The following ATRX variants were observed in gnomAD, a reference collection of about 807,000 sequenced individuals.
The protein encoded by ATRX is chromatin remodeler ATRX.
A neutral mutation model predicts 172.6 loss-of-function variants in ATRX; 12 were observed. The ratio of observed to expected loss-of-function variants is 0.07; its 90% CI spans 0.04 to 0.11. The LOEUF is 0.11. ATRX is among the 10% of genes least tolerant of loss of function. The pLI, the probability that ATRX is intolerant of heterozygous loss-of-function variation, is 1.00. For missense variants in ATRX, 1,368 were observed against 1,767.4 expected, an observed-to-expected ratio of 0.77 and a Z score of 4.05; for synonymous variants, 674 against 594.7, an observed-to-expected ratio of 1.13 and a Z score of -1.94.
intron 30 of ATRX, among the ~76,000 whole-genome samples, chrX:77,546,274 G>C (rs1202235161): frequency 9.0e-6 from 1 of 111,325 alleles, no homozygotes; most frequent in Non-Finnish European, 1.9e-5. Context: ...GGTAATGCTA[G>C]TAAAATCCTT....
intron 2 of ATRX, among the ~76,000 whole-genome samples, chrX:77,706,244 A>G (rs1557156955): frequency 9.2e-6 from 1 of 108,690 alleles, no homozygotes; most frequent in East Asian, 2.9e-4. Flanking sequence ...TCGGCCTCCC[A>G]AAGTGCTGGG....
At chrX:77,641,737 A>G (rs370777717) in intron 15 of ATRX, among the ~76,000 whole-genome samples, 1 of 111,672 alleles carries the variant, frequency 9.0e-6, no homozygotes, top group African/African-American at 3.3e-5. Context: ...AATAGTGCAG[A>G]AGAAAAGATC....
chrX:77,553,827 T>C (rs1329132272), intron 30 of ATRX, among the ~76,000 whole-genome samples: 1 of 111,834 alleles, frequency 8.9e-6, no homozygotes, highest in Admixed American at 9.6e-5. Flanking sequence ...CAGATTTCTA[T>C]TATAGGATCT....
chrX:77,539,115 G>T (rs1176880187), intron 30 of ATRX, among the ~76,000 whole-genome samples: 1 of 109,729 alleles, frequency 9.1e-6, no homozygotes, highest in South Asian at 3.9e-4. Context: ...GAATGGTCTC[G>T]ATCTCTTGAC....
chrX:77,563,384 C>T (rs1476881064), intron 28 of ATRX, among the ~76,000 whole-genome samples: 1 of 112,140 alleles, frequency 8.9e-6, no homozygotes, highest in African/African-American at 3.2e-5. Context: ...TTGTCAAAAC[C>T]ATTTTTAACT....
At position 77,718,576 on chromosome X, in the gene ATRX, G is replaced by A. The variant is rs374104298; in HGVS notation, c.21-1333C>T. On this transcript the variant is annotated intron_variant, in intron 1 of 34. Transcript: ENST00000373344. ...TTTTTAGCAGAGACGAGGTTTCACCGTGTTAGCCAGGATGGTCTCTATCTC... is the reference window on the plus strand; with the variant it reads ...TTTTTAGCAGAGACGAGGTTTCACCATGTTAGCCAGGATGGTCTCTATCTC... 1.3e-4 allele frequency among the ~76,000 whole-genome samples: 14 copies of A among 109,336 alleles called. No individual in the cohort carries two copies. In the East Asian group the frequency reaches 2.3e-3, roughly 18 times the overall value. The allele number at this position is 109,336 out of a possible 115,157, so 94.9% of individuals were successfully genotyped here. A position where few individuals can be genotyped will look rare whatever the true frequency, so the allele number is the denominator to read the frequency against.
intron 22 of ATRX, among the ~76,000 whole-genome samples, chrX:77,603,653 G>C (rs1263061635): frequency 1.8e-5 from 2 of 110,188 alleles, no homozygotes; most frequent in Non-Finnish European, 1.9e-5. Flanking sequence ...TAGGATTACA[G>C]ATGTGAGCTA....
At chrX:77,773,854 T>C (rs2076252607) in intron 1 of ATRX, among the ~76,000 whole-genome samples, 1 of 111,602 alleles carries the variant, frequency 9.0e-6, no homozygotes, top group African/African-American at 3.3e-5. Context: ...CATCACTTCA[T>C]AGTGTTCCTA....
At chrX:77,632,223 C>T (rs2068140147) in intron 19 of ATRX, among the ~76,000 whole-genome samples, 1 of 70,366 alleles carries the variant, frequency 1.4e-5, no homozygotes, top group African/African-American at 5.5e-5. Flanking sequence ...TGTTACCCTT[C>T]ATGTTAGAAG....
chrX:77,573,898 A>G (rs111810711), intron 28 of ATRX, among the ~76,000 whole-genome samples: 8 of 111,803 alleles, frequency 7.2e-5, no homozygotes, highest in African/African-American at 1.9e-4. Context: ...TTTTAATTCC[A>G]AAACCTGGAA....
At chrX:77,668,116 A>G (rs192608884) in intron 10 of ATRX, among the ~76,000 whole-genome samples, 1 of 112,062 alleles carries the variant, frequency 8.9e-6, no homozygotes, top group East Asian at 2.8e-4. Flanking sequence ...TTTCAAAATT[A>G]GAACTTAATT....
At chrX:77,579,067 G>T (rs909165710) in intron 27 of ATRX, among the ~76,000 whole-genome samples, 1 of 112,781 alleles carries the variant, frequency 8.9e-6, no homozygotes, top group Non-Finnish European at 1.9e-5. Flanking sequence ...CTGAGGAAAA[G>T]AAAGAGAAGA....
intron 15 of ATRX, among the ~76,000 whole-genome samples, chrX:77,641,406 C>T (rs1557111108): frequency 9.2e-6 from 1 of 109,195 alleles, no homozygotes; most frequent in African/African-American, 3.3e-5. Context: ...GGTGAAACCT[C>T]GTCTCTACTA....
chrX:77,610,592 T>C (rs2067112254), intron 22 of ATRX, among the ~76,000 whole-genome samples: 1 of 110,879 alleles, frequency 9.0e-6, no homozygotes, highest in Non-Finnish European at 1.9e-5. Context: ...AATTTGAAAA[T>C]ATTAGAGTGT....
At chrX:77,732,310 A>T (rs2074332196) in intron 1 of ATRX, among the ~76,000 whole-genome samples, 1 of 111,969 alleles carries the variant, frequency 8.9e-6, no homozygotes, top group Non-Finnish European at 1.9e-5. Context: ...TGAGCACGGC[A>T]GGCTGAGTAA....
chrX:77,567,697 A>G (rs2065250598), intron 28 of ATRX, among the ~76,000 whole-genome samples: 1 of 111,048 alleles, frequency 9.0e-6, no homozygotes, highest in South Asian at 3.7e-4. Context: ...AGAAGAATAC[A>G]AGAACCTCAT....
intron 34 of ATRX, among the ~76,000 whole-genome samples, chrX:77,519,560 C>T (rs782687237): frequency 1.8e-5 from 2 of 110,964 alleles, no homozygotes; most frequent in African/African-American, 6.5e-5. Context: ...TATAGTGAGA[C>T]CCCGTCTCTA....
chrX:77,690,380 C>T (rs782201732), intron 6 of ATRX, among the ~76,000 whole-genome samples: 1 of 112,253 alleles, frequency 8.9e-6, no homozygotes, highest in African/African-American at 3.2e-5. Context: ...AAGCTAAAAA[C>T]GTTAATGTAT....
In ATRX at chrX:77,682,872, C is replaced by T. The variant is rs892981661; in HGVS notation, c.2384G>A (p.Gly795Asp). 8.3e-7 allele frequency: 1 copy of T among 1,209,146 alleles called. No homozygotes were observed. The highest frequency in any genetic ancestry group is 1.1e-6 in the Non-Finnish European group (1 of 894,797). ...TSGSDFDTKKGKSAKSSIISK... is the reference protein window; with the variant it reads ...TSGSDFDTKKDKSAKSSIISK... ...AATTATAGAGCTCTTAGCTGATTTG[C>T]CCTTTTTAGTATCAAAATCTGAGCC... The change falls in exon 9 of 35, where the codon GGC becomes GAC. Residue 795 changes from glycine to aspartate, a missense_variant. This residue lies in a region of ATRX where 843 missense variants were observed against 643.1 expected (regional missense o/e 1.31). Transcript: ENST00000373344.
Sources: gnomAD v4.1 joint callset for allele counts (sites outside exome capture counted in the v4.1 genomes callset) on GRCh38, gnomAD v4.1.1 for gene constraint, gnomAD v4.1.1 regional missense constraint, MANE v1.5 for transcripts, NCBI Gene and HGNC (gene_info 2026-07-23, HGNC 2026-07-21) for gene names.